KDM5A: variants seen among roughly 807,000 people sequenced by gnomAD.
The protein encoded by KDM5A is lysine-specific demethylase 5A.
A neutral mutation model predicts 193.5 loss-of-function variants in KDM5A; 42 were observed. That is an observed-to-expected ratio of 0.22 (90% CI 0.17 to 0.28). KDM5A has a LOEUF of 0.28. Ranked by LOEUF, KDM5A falls within the 10% of genes least tolerant of loss-of-function variation. The pLI, the probability that KDM5A is intolerant of heterozygous loss-of-function variation, is 1.00. For missense variants in KDM5A, 1,692 were observed against 2,055.1 expected, an observed-to-expected ratio of 0.82 and a Z score of 3.42; for synonymous variants, 796 against 718.1, an observed-to-expected ratio of 1.11 and a Z score of -1.73.
At chr12:358,672 C>T (rs892007109) in intron 5 of KDM5A, among the ~76,000 whole-genome samples, 2 of 152,042 alleles carry the variant, frequency 1.3e-5, no homozygotes, top group African/African-American at 4.8e-5. Context: ...TTTTAACTCT[C>T]TACTTAAAAA....
At chr12:361,271 T>C (rs1944291660) in intron 5 of KDM5A, among the ~76,000 whole-genome samples, 1 of 152,078 alleles carries the variant, frequency 6.6e-6, no homozygotes. Context: ...CCTGGCTCTC[T>C]GTAAGCTCCG....
intron 12 of KDM5A, 108 bp downstream of exon 12, chr12:333,379 G>T: frequency 2.5e-6 from 3 of 1,206,618 alleles, no homozygotes; most frequent in Non-Finnish European, 3.6e-6. Context: ...TCATCGTGCC[G>T]CTGCACTCCA....
chr12:351,718 C>G (rs1194293281), intron 9 of KDM5A, among the ~76,000 whole-genome samples: 1 of 152,096 alleles, frequency 6.6e-6, no homozygotes, highest in Non-Finnish European at 1.5e-5. Flanking sequence ...TCTGTAATCC[C>G]AACACTTTGG....
In KDM5A at chr12:324,195, A is replaced by G. The variant is rs1395509857; in HGVS notation, c.1969-414T>C. Among the ~76,000 whole-genome samples the G allele has an allele frequency of 5.3e-5, 8 of 152,044 alleles. 1 individual carries two copies. Among genetic ancestry groups the G allele is most frequent in the Admixed American group, 5.2e-4 (8 of 15,264 alleles). ...GTGGTGCATGCCTGTAGTCCCAGCT[A>G]CTCAGGAGGCTAAGGAGGGAAGATC... On this transcript the variant is annotated intron_variant, in intron 14 of 27. Transcript: ENST00000399788.
intron 3 of KDM5A, among the ~76,000 whole-genome samples, chr12:373,489 G>T (rs1372834532): frequency 2.6e-5 from 4 of 151,702 alleles, no homozygotes; most frequent in East Asian, 1.9e-4. Context: ...TTTTTGTCTT[G>T]CTAGTGGTCT....
intron 27 of KDM5A, among the ~76,000 whole-genome samples, chr12:292,362 T>G (rs1452927624): frequency 6.6e-6 from 1 of 152,200 alleles, no homozygotes; most frequent in Non-Finnish European, 1.5e-5. Flanking sequence ...CCACAGCTCT[T>G]ACAATACTGG....
rs761171318 is a variant in KDM5A at position 318,189 on chromosome 12, C to T, written c.2814G>A (p.Val938=). Reference sequence around the variant, plus strand: ...CCTGTAGTTCAGCCATTGCTTTCTCCACAGCATGGTGGGGTGCCAACCCTA... The same window carrying T: ...CCTGTAGTTCAGCCATTGCTTTCTCTACAGCATGGTGGGGTGCCAACCCTA... ...SGVGLAPHHA[V]EKAMAELQEL... is the part of the protein sequence containing the mutation. The change falls in exon 19 of 28, where the codon GTG becomes GTA. Residue 938 remains valine, a synonymous_variant. Coordinates refer to ENST00000399788, the MANE Select transcript of KDM5A (RefSeq NM_001042603.3). 25 of 1,614,164 alleles carry T rather than the reference C, an allele frequency of 1.5e-5. No individual in the cohort carries two copies. Among genetic ancestry groups the T allele is most frequent in the Non-Finnish European group, 2.0e-5 (24 of 1,180,020 alleles).
In KDM5A at chr12:352,175, C is replaced by T. The variant is rs773176090; in HGVS notation, c.1149+30G>A. The T allele has an allele frequency of 1.8e-5, 28 of 1,599,426 alleles. 1 individual carries two copies. In the Middle Eastern group the frequency reaches 9.9e-4, roughly 57 times the overall value. On this transcript the variant is annotated intron_variant, in intron 9 of 27. Transcript: ENST00000399788. ...TACTCAGGTAAATCTTTGTACCTCC[C>T]CGGACCGACCTAAAAGATAGCTTAC...
chr12:351,694 C>T (rs1047429769), intron 9 of KDM5A, among the ~76,000 whole-genome samples: 10 of 152,240 alleles, frequency 6.6e-5, no homozygotes, highest in African/African-American at 2.2e-4. Context: ...GACAGCTGGG[C>T]GTGGTGGCTC....
chr12:309,766 TCAC>T, intron 22 of KDM5A, 34 bp downstream of exon 22: 1 of 1,608,688 alleles, frequency 6.2e-7, no homozygotes, highest in African/African-American at 1.3e-5. Flanking sequence ...AGTTTTGTAT[TCAC>T]CAAGCAAACT....
rs951139830 is a variant in KDM5A, at chr12:282,730, G to A, written c.*2726C>T. ...GCAACTTCAGTTGCAGTTTAGAGGA[G>A]ATAAGGGTAGAAAGACATTTTAAAT... On this transcript the variant is annotated 3_prime_UTR_variant, in exon 28 of 28. Coordinates refer to ENST00000399788, the MANE Select transcript of KDM5A (RefSeq NM_001042603.3). The A allele has an allele frequency of 1.7e-5, 4 of 232,618 alleles. No individual in the cohort carries two copies. The highest frequency in any genetic ancestry group is 6.6e-5 in the African/African-American group (3 of 45,302). The allele number at this position is 232,618 out of a possible 1,614,324, so 14.4% of individuals were successfully genotyped here. A position where few individuals can be genotyped will look rare whatever the true frequency, so the allele number is the denominator to read the frequency against.
Position 333,635 on chromosome 12 carries a change from G to A in KDM5A, c.1505C>T (p.Thr502Ile). Residue 502 changes from threonine (T) to isoleucine (I), a missense_variant, in exon 12 of 28, where the codon ACA (threonine) becomes ATA (isoleucine). This residue lies in a region of KDM5A where 172 missense variants were observed against 260.3 expected (regional missense o/e 0.66). Coordinates refer to ENST00000399788, the MANE Select transcript of KDM5A (RefSeq NM_001042603.3). ...INYLHWGEPK[T>I]WYGVPSHAAE... ...AGCATGAGATGGCACACCATACCAT[G>A]TCTTTGGCTCCCCCCTAGCAAAAGA... 1.2e-6 allele frequency: 2 copies of A among 1,614,136 alleles called. No individual in the cohort carries two copies. Among genetic ancestry groups the A allele is most frequent in the Non-Finnish European group, 1.7e-6 (2 of 1,180,004 alleles).
intron 14 of KDM5A, among the ~76,000 whole-genome samples, chr12:327,087 A>G (rs1372507687): frequency 6.6e-6 from 1 of 152,206 alleles, no homozygotes; most frequent in East Asian, 1.9e-4. Context: ...AGACAAGTTC[A>G]TAATGCAAAG....
rs572381592 is a variant in KDM5A, at chr12:353,943, G to A, written c.1029+133C>T. The A allele has an allele frequency of 1.8e-4, 130 of 709,998 alleles. 2 individuals are homozygous for A. In the South Asian group the frequency reaches 2.3e-3, roughly 13 times the overall value. The allele number at this position is 709,998 out of a possible 1,614,324, so 44.0% of individuals were successfully genotyped here. On this transcript the variant is annotated intron_variant, in intron 8 of 27. Coordinates refer to ENST00000399788, the MANE Select transcript of KDM5A (RefSeq NM_001042603.3). ...CTCAAAAAAAAAAAAAAAAGTCCTG[G>A]AAATTTTAAACACTACATAATGAAG...
intron 27 of KDM5A, chr12:286,162 A>G (rs1244960579): frequency 2.0e-6 from 1 of 509,144 alleles, no homozygotes. Context: ...CACTTTTAAA[A>G]CTAATATTTT....
chr12:319,944 G>C (rs1391445912), intron 18 of KDM5A, among the ~76,000 whole-genome samples: 1 of 151,952 alleles, frequency 6.6e-6, no homozygotes, highest in Non-Finnish European at 1.5e-5. Context: ...ATCAGAAGTG[G>C]GGGCACCTGA....
In KDM5A at chr12:383,842, G is replaced by A. The variant is rs1336201888; in HGVS notation, c.366+189C>T. 2.6e-5 allele frequency among the ~76,000 whole-genome samples: 4 copies of A among 151,074 alleles called. No homozygotes were observed. In the East Asian group the frequency reaches 5.9e-4, roughly 22 times the overall value. On this transcript the variant is annotated intron_variant, in intron 3 of 27. Transcript: ENST00000399788. ...CAGCTCACCACAACCTCCGCCTCCT[G>A]GGTTCAAGCAATTCTCCTGCCTCAA... is the stretch of plus-strand genomic sequence containing the variant.
chr12:386,507 G>C (rs1944639391), intron 1 of KDM5A, among the ~76,000 whole-genome samples: 1 of 152,036 alleles, frequency 6.6e-6, no homozygotes, highest in Admixed American at 6.6e-5. Context: ...TTCCACTTAA[G>C]TAGTTAACAG....
chr12:346,854 A>G (rs1944083274), intron 10 of KDM5A, among the ~76,000 whole-genome samples: 1 of 152,242 alleles, frequency 6.6e-6, no homozygotes, highest in African/African-American at 2.4e-5. Flanking sequence ...GAAAACCAGC[A>G]CAAGAGAAGG....
Sources: gnomAD v4.1 joint callset for allele counts (sites outside exome capture counted in the v4.1 genomes callset) on GRCh38, gnomAD v4.1.1 for gene constraint, gnomAD v4.1.1 regional missense constraint, MANE v1.5 for transcripts, NCBI Gene and HGNC (gene_info 2026-07-23, HGNC 2026-07-21) for gene names.